Variants in HADHB observed in about 807,000 individuals in gnomAD.
The protein encoded by HADHB is trifunctional enzyme subunit beta, mitochondrial.
Under a neutral mutation model 61.9 loss-of-function variants are expected in HADHB, and 50 were observed. The observed-to-expected ratio is 0.81, with a 90% CI of 0.64 to 1.02. The LOEUF (loss-of-function observed/expected upper bound fraction) is 1.02, where lower values mean the gene tolerates loss of function less well. Among genes scored for constraint, HADHB ranks in the 50% least tolerant of loss-of-function variants. The probability of loss-of-function intolerance (pLI) is 0.00; values close to 1 mark genes in which losing one functional copy is unlikely to be tolerated. For missense variants in HADHB, 504 were observed against 586.5 expected, an observed-to-expected ratio of 0.86 and a Z score of 1.45; for synonymous variants, 191 against 201.6, an observed-to-expected ratio of 0.95 and a Z score of 0.45.
rs368499833 is a variant in HADHB, at chr2:26,279,124, T to C, written c.631-11T>C. The C allele has an allele frequency of 2.5e-6, 4 of 1,610,450 alleles. No homozygotes were observed. In the African/African-American group the frequency reaches 5.3e-5, roughly 22 times the overall value. ...ACAGTGTACCTGCTCCTTGGATATCTCCTTTCCCAGCTCCCTGCGGTTTCT... is the reference window on the plus strand; with the variant it reads ...ACAGTGTACCTGCTCCTTGGATATCCCCTTTCCCAGCTCCCTGCGGTTTCT... On this transcript the variant is annotated splice_polypyrimidine_tract_variant and intron_variant, in intron 8 of 15. Transcript: ENST00000317799.
chr2:26,275,394 G>A (rs895753362), intron 6 of HADHB, among the ~76,000 whole-genome samples: 2 of 152,178 alleles, frequency 1.3e-5, no homozygotes, highest in Admixed American at 6.5e-5. Flanking sequence ...CCAGCTTAAA[G>A]ACATCTTCCT....
intron 6 of HADHB, among the ~76,000 whole-genome samples, chr2:26,276,055 A>G (rs1672522919): frequency 6.6e-6 from 1 of 152,202 alleles, no homozygotes; most frequent in African/African-American, 2.4e-5. Flanking sequence ...TAAAACTTTA[A>G]TATTATAAAA....
chr2:26,256,612 G>T (rs1286526493), intron 3 of HADHB, among the ~76,000 whole-genome samples: 10 of 151,752 alleles, frequency 6.6e-5, no homozygotes, highest in Non-Finnish European at 1.5e-5. Flanking sequence ...GATTTTAATT[G>T]TTTTTAAAGA....
chr2:26,278,532 C>A, intron 7 of HADHB, 82 bp from the exon 8 acceptor site: 2 of 1,201,678 alleles, frequency 1.7e-6, no homozygotes, highest in Non-Finnish European at 2.5e-6. Context: ...TGTCATTCAG[C>A]TTTTTAATCA....
intron 3 of HADHB, among the ~76,000 whole-genome samples, chr2:26,256,171 G>A (rs1013344340): frequency 6.6e-6 from 1 of 152,162 alleles, no homozygotes; most frequent in Non-Finnish European, 1.5e-5. Flanking sequence ...TTGCATTAAC[G>A]CTGATGATGA....
Position 26,290,266 on chromosome 2 carries a change from G to T in HADHB, c.*313G>T, listed in dbSNP as rs1673216888. On this transcript the variant is annotated 3_prime_UTR_variant, in exon 16 of 16. Coordinates refer to ENST00000317799, the MANE Select transcript of HADHB (RefSeq NM_000183.3). The stretch of plus-strand genomic sequence containing the variant: ...TTGGGAAAGAGGTCAACTGAGATTT[G>T]GAAATCATCTTTGTAATATTTGCAA... 3 of 407,576 alleles carry T rather than the reference G, an allele frequency of 7.4e-6. No homozygotes were observed. Among genetic ancestry groups the T allele is most frequent in the South Asian group, 2.7e-5 (1 of 36,526 alleles). 25.2% of individuals were successfully genotyped at this position (407,576 alleles called of 1,614,324 possible). A position where few individuals can be genotyped will look rare whatever the true frequency, so the allele number is the denominator to read the frequency against.
rs979106519 is a variant in HADHB, at chr2:26,260,930, A to G, written c.110-2450A>G. ...CCATCAACCTGTTCTTCCTCATGGC[A>G]TCTTTTTAGCTTCAACTAATTGGCA... On this transcript the variant is annotated intron_variant, in intron 3 of 15. Transcript: ENST00000317799. The G allele has an allele frequency of 1.0e-5, 9 of 859,682 alleles. No individual in the cohort carries two copies. The African/African-American group carries it at 1.3e-4, about 13-fold the overall frequency. 53.3% of individuals were successfully genotyped at this position (859,682 alleles called of 1,614,324 possible). A position where few individuals can be genotyped will look rare whatever the true frequency, so the allele number is the denominator to read the frequency against.
At chr2:26,255,136 A>G (rs1411313378) in intron 3 of HADHB, among the ~76,000 whole-genome samples, 5 of 152,126 alleles carry the variant, frequency 3.3e-5, no homozygotes, top group South Asian at 2.1e-4. Flanking sequence ...CTCCTTGCCT[A>G]GATTCTGTAT....
chr2:26,287,970 A>G (rs1476469562), intron 15 of HADHB, among the ~76,000 whole-genome samples: 1 of 152,208 alleles, frequency 6.6e-6, no homozygotes, highest in Non-Finnish European at 1.5e-5. Context: ...GTGTGTTTAA[A>G]ATAAAGCCAG....
At chr2:26,253,469 T>TTTA (rs758642766) in intron 1 of HADHB, among the ~76,000 whole-genome samples, 31 of 152,160 alleles carry the variant, frequency 2.0e-4, no homozygotes, top group Non-Finnish European at 4.0e-4. Flanking sequence ...CTAATACTAA[T>TTTA]GGTTTTATTA....
intron 15 of HADHB, among the ~76,000 whole-genome samples, chr2:26,286,868 T>C (rs1673057054): frequency 6.6e-6 from 1 of 150,912 alleles, no homozygotes; most frequent in Admixed American, 6.6e-5. Context: ...TCCTCTAGAT[T>C]ACAGAAACTT....
At position 26,285,574 on chromosome 2, in the gene HADHB, A is replaced by G; in HGVS notation, c.1389+3A>G. On this transcript the variant is annotated splice_donor_region_variant and intron_variant, in intron 15 of 15. Transcript: ENST00000317799. ...CTGCGTGTGCAGCTGGAGGGCAGGT[A>G]CGTTACAGTGGTGTCATAGGACCCT... 6.2e-7 allele frequency: 1 copy of G among 1,611,110 alleles called. No individual in the cohort carries two copies. Among genetic ancestry groups the G allele is most frequent in the Non-Finnish European group, 8.5e-7 (1 of 1,177,472 alleles).
intron 3 of HADHB, among the ~76,000 whole-genome samples, chr2:26,256,069 A>G (rs564631028): frequency 4.6e-5 from 7 of 152,306 alleles, no homozygotes; most frequent in Admixed American, 1.3e-4. Flanking sequence ...TGTCTCCCCA[A>G]CTGTATTGTA....
At chr2:26,279,869 T>C in intron 9 of HADHB, 125 bp from the exon 10 acceptor site, 2 of 708,962 alleles carry the variant, frequency 2.8e-6, no homozygotes, top group South Asian at 1.7e-5. Flanking sequence ...TAAAACACTT[T>C]CCTTCTAGTG....
chr2:26,260,683 G>T (rs913942412), intron 3 of HADHB: 14 of 286,584 alleles, frequency 4.9e-5, no homozygotes, highest in Non-Finnish European at 8.6e-5. Context: ...GTTTTTTGGT[G>T]TAGTAATGGA....
intron 3 of HADHB, among the ~76,000 whole-genome samples, chr2:26,259,734 G>C (rs1312917539): frequency 6.6e-6 from 1 of 152,240 alleles, no homozygotes; most frequent in Non-Finnish European, 1.5e-5. Context: ...GGAATGGCCA[G>C]TGTGCCCTAG....
chr2:26,250,427 A>G (rs1341560796), intron 1 of HADHB, among the ~76,000 whole-genome samples: 1 of 152,050 alleles, frequency 6.6e-6, no homozygotes, highest in Non-Finnish European at 1.5e-5. Context: ...AGTATATTTT[A>G]CTATGTGTAT....
chr2:26,285,656 T>A, intron 15 of HADHB, 85 bp downstream of exon 15: 7 of 982,090 alleles, frequency 7.1e-6, no homozygotes, highest in Non-Finnish European at 9.0e-6. Flanking sequence ...GAAACCTTCT[T>A]AAAGCAATAT....
chr2:26,246,687 G>A (rs1168993939), intron 1 of HADHB, among the ~76,000 whole-genome samples: 1 of 152,116 alleles, frequency 6.6e-6, no homozygotes, highest in Non-Finnish European at 1.5e-5. Flanking sequence ...CTAGAGGCCC[G>A]TGTGTTGTAG....
Sources: gnomAD v4.1 joint callset for allele counts (sites outside exome capture counted in the v4.1 genomes callset) on GRCh38, gnomAD v4.1.1 for gene constraint, MANE v1.5 for transcripts, NCBI Gene and HGNC (gene_info 2026-07-23, HGNC 2026-07-21) for gene names.